Variants in MAP2K6 observed in about 807,000 individuals in gnomAD.
MAP2K6 encodes the protein dual specificity mitogen-activated protein kinase kinase 6.
MAP2K6 carries 16 observed loss-of-function variants against 53.7 expected under a neutral mutation model. The ratio of observed to expected loss-of-function variants is 0.30; its 90% confidence interval spans 0.20 to 0.45. The LOEUF (loss-of-function observed/expected upper bound fraction) is 0.45. Among genes scored for constraint, MAP2K6 ranks in the 20% least tolerant of loss-of-function variants. The pLI, the probability that MAP2K6 is intolerant of heterozygous loss-of-function variation, is 1.00. For missense variants in MAP2K6, 204 were observed against 411.9 expected, an observed-to-expected ratio of 0.50 and a Z score of 4.37; for synonymous variants, 132 against 143.1, an observed-to-expected ratio of 0.92 and a Z score of 0.55.
chr17:69,449,739 G>A (rs541270106), intron 1 of MAP2K6, among the ~76,000 whole-genome samples: 1 of 142,684 alleles, frequency 7.0e-6, no homozygotes, highest in Non-Finnish European at 1.5e-5. Flanking sequence ...TCAGCCTCCT[G>A]AGTAGCTGGG....
chr17:69,434,853 T>C (rs1205495156), intron 1 of MAP2K6: 1 of 152,212 alleles, frequency 6.6e-6, no homozygotes, highest in South Asian at 2.1e-4. Flanking sequence ...GGGCCTCAGT[T>C]TTTTTGTCTG....
chr17:69,423,717 C>T (rs1160986623), intron 1 of MAP2K6, among the ~76,000 whole-genome samples: 1 of 152,144 alleles, frequency 6.6e-6, no homozygotes, highest in Non-Finnish European at 1.5e-5. Context: ...TCCTTTTGCC[C>T]GTCCTGGGGT....
Position 69,494,483 on chromosome 17 carries a change from G to A in MAP2K6, c.17-11297G>A, listed in dbSNP as rs1009172755. On this transcript the variant is annotated intron_variant, in intron 1 of 11. Coordinates refer to ENST00000590474, the MANE Select transcript of MAP2K6 (RefSeq NM_002758.4). This position sits in a 1 kb window ranked among gnomAD's most constrained non-coding sequence, Gnocchi z 4.2. Reference sequence around the variant, plus strand: ...ACTGCACTCCAGCCTGGGTGACAAAGTGAGACTCTGTCTTTAAAAAAAAAA... The same window carrying A: ...ACTGCACTCCAGCCTGGGTGACAAAATGAGACTCTGTCTTTAAAAAAAAAA... Among the ~76,000 whole-genome samples the A allele has an allele frequency of 2.0e-5, 3 of 150,948 alleles. No individual in the cohort carries two copies. Among genetic ancestry groups the A allele is most frequent in the Admixed American group, 2.0e-4 (3 of 15,196 alleles).
At chr17:69,501,701 T>G (rs1225482255) in intron 1 of MAP2K6, 1 of 152,154 alleles carries the variant, frequency 6.6e-6, no homozygotes, top group East Asian at 1.9e-4. Flanking sequence ...AGGCTTACCC[T>G]TTGCAGACTG....
chr17:69,532,679 T>C (rs1425947248), intron 10 of MAP2K6, among the ~76,000 whole-genome samples: 1 of 152,186 alleles, frequency 6.6e-6, no homozygotes, highest in Non-Finnish European at 1.5e-5. Context: ...ATTTAAAAGA[T>C]GGAGAGAATG....
chr17:69,446,976 C>CTTTTTTTTTT lies in MAP2K6; in HGVS notation c.16+31985_16+31994dup, dbSNP rs71357721. Reference sequence around the variant, plus strand: ...TTGTATTTTATTATAACCTCTGTTTCTTTTTTTTTTTTTTTTTTGAGACGG... The same window carrying CTTTTTTTTTT: ...TTGTATTTTATTATAACCTCTGTTTCTTTTTTTTTTTTTTTTTTTTTTTTTTTTGAGACGG... On this transcript the variant is annotated intron_variant, in intron 1 of 11. Coordinates refer to ENST00000590474, the MANE Select transcript of MAP2K6 (RefSeq NM_002758.4). 1.5e-5 allele frequency among the ~76,000 whole-genome samples: 2 copies of CTTTTTTTTTT among 129,522 alleles called. 1 individual carries two copies. The allele number at this position is 129,522 out of a possible 152,430, so 85.0% of individuals were successfully genotyped here.
chr17:69,449,500 T>TTCTTTCTC (rs2145156196), intron 1 of MAP2K6, among the ~76,000 whole-genome samples: 1 of 93,408 alleles, frequency 1.1e-5, no homozygotes, highest in South Asian at 3.8e-4. Context: ...CTTTCTTTCT[T>TTCTTTCTC]TTTTCTTTCT....
chr17:69,488,263 T>C (rs538172577), intron 1 of MAP2K6, among the ~76,000 whole-genome samples: 23 of 152,068 alleles, frequency 1.5e-4, no homozygotes, highest in Non-Finnish European at 2.4e-4. Flanking sequence ...TATTAAAAAG[T>C]CAAAAAATGA....
chr17:69,439,762 A>T (rs565468555), intron 1 of MAP2K6, among the ~76,000 whole-genome samples: 1 of 152,206 alleles, frequency 6.6e-6, no homozygotes, highest in South Asian at 2.1e-4. Context: ...TTTTGGTATT[A>T]AGTTTGCCTC....
At chr17:69,457,500 G>A in intron 1 of MAP2K6, among the ~76,000 whole-genome samples, 1 of 152,180 alleles carries the variant, frequency 6.6e-6, no homozygotes, top group Non-Finnish European at 1.5e-5. Context: ...TATGGTCCCT[G>A]GACTTGCAGA....
rs1254196042 is a variant in MAP2K6, at chr17:69,494,274, G to A, written c.17-11506G>A. Among the ~76,000 whole-genome samples, 1 of 152,220 alleles carries A rather than the reference G, an allele frequency of 6.6e-6. No individual in the cohort carries two copies. The highest frequency in any genetic ancestry group is 2.4e-5 in the African/African-American group (1 of 41,464). ...GCATGTTGGGAGGCCAAGGCGGGCAGATCACCTGAGGCCGAGAGTTTGTGA... is the reference window on the plus strand; with the variant it reads ...GCATGTTGGGAGGCCAAGGCGGGCAAATCACCTGAGGCCGAGAGTTTGTGA... On this transcript the variant is annotated intron_variant, in intron 1 of 11. Transcript: ENST00000590474. This position sits in a 1 kb window ranked among gnomAD's most constrained non-coding sequence, Gnocchi z 4.2.
rs1911990767 is a variant in MAP2K6 at position 69,548,986 on chromosome 17, T to A, written c.*7233T>A. ...GTAAAAAATTTTGTAGTAGGGAATTTTTGTTGGTAAGAAATCAGTATCATC... is the reference window on the plus strand; with the variant it reads ...GTAAAAAATTTTGTAGTAGGGAATTATTGTTGGTAAGAAATCAGTATCATC... On this transcript the variant is annotated 3_prime_UTR_variant, in exon 12 of 12. Coordinates refer to ENST00000590474, the MANE Select transcript of MAP2K6 (RefSeq NM_002758.4). 6.6e-6 allele frequency: 1 copy of A among 152,154 alleles called. No individual in the cohort carries two copies. Among genetic ancestry groups the A allele is most frequent in the Non-Finnish European group, 1.5e-5 (1 of 68,022 alleles). The allele number at this position is 152,154 out of a possible 1,614,324, so 9.4% of individuals were successfully genotyped here.
chr17:69,440,022 G>T (rs1598262402), intron 1 of MAP2K6, among the ~76,000 whole-genome samples: 1 of 152,142 alleles, frequency 6.6e-6, no homozygotes, highest in Non-Finnish European at 1.5e-5. Context: ...TAGTTGGAAA[G>T]AATCTGAATA....
intron 1 of MAP2K6, among the ~76,000 whole-genome samples, chr17:69,442,900 C>T (rs1598263655): frequency 6.6e-6 from 1 of 152,056 alleles, no homozygotes; most frequent in East Asian, 1.9e-4. Context: ...TATGTAATAC[C>T]TAAACATATC....
At chr17:69,483,132 T>C (rs1433832065) in intron 1 of MAP2K6, among the ~76,000 whole-genome samples, 1 of 151,670 alleles carries the variant, frequency 6.6e-6, no homozygotes, top group African/African-American at 2.4e-5. Context: ...GGATCCACAC[T>C]GGAAAAGAAG....
intron 4 of MAP2K6, among the ~76,000 whole-genome samples, chr17:69,517,843 ATTC>A (rs1050188377): frequency 1.1e-4 from 16 of 152,068 alleles, no homozygotes; most frequent in Non-Finnish European, 5.9e-5. Context: ...CCCTCCACCC[ATTC>A]TTCTACCATT....
intron 1 of MAP2K6, among the ~76,000 whole-genome samples, chr17:69,418,590 G>T (rs371818252): frequency 6.6e-6 from 1 of 151,850 alleles, no homozygotes; most frequent in East Asian, 1.9e-4. Context: ...AGTCTATTTC[G>T]TTCCCTCTTG....
chr17:69,510,054 A>T (rs896333172), intron 2 of MAP2K6, among the ~76,000 whole-genome samples: 1 of 152,084 alleles, frequency 6.6e-6, no homozygotes, highest in Admixed American at 6.6e-5. Context: ...CATGTTGCCC[A>T]GGCTGGTCTT....
At chr17:69,449,517 GTCTTTCTTTCTTTGTCTTTCTT>G (rs1306249121) in intron 1 of MAP2K6, among the ~76,000 whole-genome samples, 3 of 97,048 alleles carry the variant, frequency 3.1e-5, no homozygotes, top group African/African-American at 1.7e-4. Context: ...TTCTTTCTTT[GTCTTTCTTTCTTTGTCTTTCTT>G]TCTTTCTTTC....
Sources: gnomAD v4.1 joint callset for allele counts (sites outside exome capture counted in the v4.1 genomes callset) on GRCh38, gnomAD v4.1.1 for gene constraint, Gnocchi (gnomAD v3.1) non-coding constraint, MANE v1.5 for transcripts, NCBI Gene and HGNC (gene_info 2026-07-23, HGNC 2026-07-21) for gene names.